Variants in GYS2 observed in about 807,000 individuals in gnomAD.
The protein encoded by GYS2 is glycogen [starch] synthase, liver.
A neutral mutation model predicts 85.6 loss-of-function variants in GYS2; 80 were observed. The observed-to-expected ratio is 0.93, with a 90% confidence interval of 0.78 to 1.13. The LOEUF (loss-of-function observed/expected upper bound fraction) is 1.13, where lower values mean the gene tolerates loss of function less well. GYS2 is among the 50% of genes most tolerant of loss of function. The probability of loss-of-function intolerance (pLI) is 0.00; values close to 1 mark genes in which losing one functional copy is unlikely to be tolerated. For synonymous variants in GYS2, 328 were observed against 300.7 expected (o/e 1.09, Z -0.94); for missense variants, 881 against 854.9 (o/e 1.03, Z -0.38).
intron 1 of GYS2, among the ~76,000 whole-genome samples, chr12:21,584,275 A>G (rs762320736): frequency 1.1e-4 from 17 of 152,232 alleles, no homozygotes; most frequent in Non-Finnish European, 2.5e-4. Context: ...TGGAAAAAGC[A>G]TGACTGGAAA....
intron 4 of GYS2, among the ~76,000 whole-genome samples, chr12:21,571,221 C>T (rs1236149064): frequency 1.3e-5 from 2 of 152,164 alleles, no homozygotes; most frequent in East Asian, 3.9e-4. Context: ...TCCCATGGGG[C>T]ACACTTATCT....
chr12:21,550,465 T>TGGCTCTG lies in GYS2; in HGVS notation c.1423-4002_1423-3996dup, dbSNP rs1272425287. ...CACGGATGCCCTCCTCTCTCCATTC[T>TGGCTCTG]GGCTCTGACACTGCTTTAGGCTGCT... On this transcript the variant is annotated intron_variant, in intron 11 of 15. Transcript: ENST00000261195. Among the ~76,000 whole-genome samples, 4 of 152,270 alleles carry TGGCTCTG rather than the reference T, an allele frequency of 2.6e-5. No individual in the cohort carries two copies. The East Asian group carries it at 7.7e-4, about 29-fold the overall frequency.
intron 12 of GYS2, among the ~76,000 whole-genome samples, chr12:21,544,103 GTGAGT>G (rs1487886807): frequency 4.6e-5 from 7 of 152,184 alleles, no homozygotes; most frequent in Non-Finnish European, 1.0e-4. Flanking sequence ...GCTTTCTAGA[GTGAGT>G]TAAGTCTAGT....
intron 4 of GYS2, 44 bp downstream of exon 4, chr12:21,574,100 C>T: frequency 6.9e-7 from 1 of 1,452,356 alleles, no homozygotes. Context: ...CTTCAGCAAT[C>T]TGAAAGAAGG....
In GYS2 at chr12:21,574,445, G is replaced by A. The variant is rs541875912; in HGVS notation, c.496-119C>T. On this transcript the variant is annotated intron_variant, in intron 3 of 15. Transcript: ENST00000261195. ...AATTATTTTGCAACTTAAAGGAGTC[G>A]AAACATAAAGCATGAATATTTAGCA... 1.3e-4 allele frequency: 94 copies of A among 727,952 alleles called. 1 individual carries two copies. Among genetic ancestry groups the A allele is most frequent in the Middle Eastern group, 4.9e-4 (2 of 4,044 alleles). 45.1% of individuals were successfully genotyped at this position (727,952 alleles called of 1,614,324 possible).
intron 1 of GYS2, among the ~76,000 whole-genome samples, chr12:21,603,905 A>G (rs1944779796): frequency 6.6e-6 from 1 of 152,110 alleles, no homozygotes; most frequent in Non-Finnish European, 1.5e-5. Context: ...TCTTTATTTT[A>G]TAATTCCTAC....
At chr12:21,540,750 A>C (rs1943963245) in intron 13 of GYS2, among the ~76,000 whole-genome samples, 177 bp from the exon 14 acceptor site, 1 of 152,150 alleles carries the variant, frequency 6.6e-6, no homozygotes, top group African/African-American at 2.4e-5. Flanking sequence ...CTAATGGTTT[A>C]CAACCATCAC....
At chr12:21,580,651 C>G (rs1431078106) in intron 1 of GYS2, 128 bp from the exon 2 acceptor site, 3 of 753,078 alleles carry the variant, frequency 4.0e-6, no homozygotes, top group East Asian at 5.1e-5. Flanking sequence ...ATTTATTTAC[C>G]TTTCAAAAAT....
chr12:21,568,877 T>C lies in GYS2; in HGVS notation c.811A>G (p.Lys271Glu), dbSNP rs766627107. The change falls in exon 5 of 16, where the codon AAG becomes GAG. Residue 271 changes from lysine to glutamate, a missense_variant. Lys to Glu is a moderately conservative substitution (Grantham distance 56, BLOSUM62 1). Coordinates refer to ENST00000261195, the MANE Select transcript of GYS2 (RefSeq NM_021957.4). ...ITAIEAEHML[K>E]RKPDVVTPNG... ...GGATAATAATTACCAGGCTTTCTCT[T>C]CAGCATATGTTCAGCTTCTATTGCT... 6.8e-6 allele frequency: 11 copies of C among 1,613,160 alleles called. No homozygotes were observed. Among genetic ancestry groups the C allele is most frequent in the South Asian group, 1.1e-5 (1 of 91,068 alleles).
chr12:21,575,589 A>T (rs1263805411), intron 3 of GYS2, among the ~76,000 whole-genome samples: 1 of 151,960 alleles, frequency 6.6e-6, no homozygotes, highest in Non-Finnish European at 1.5e-5. Context: ...ATATATATTA[A>T]GTATCATCTA....
At chr12:21,586,080 G>T (rs941405973) in intron 1 of GYS2, among the ~76,000 whole-genome samples, 1 of 152,194 alleles carries the variant, frequency 6.6e-6, no homozygotes, top group African/African-American at 2.4e-5. Flanking sequence ...GTGTGTCTGT[G>T]AGGGTATTGC....
chr12:21,601,360 T>C (rs1944754711), intron 1 of GYS2, among the ~76,000 whole-genome samples: 1 of 152,098 alleles, frequency 6.6e-6, no homozygotes, highest in Non-Finnish European at 1.5e-5. Flanking sequence ...TCATTGTTCA[T>C]ACCCTGGAGA....
intron 11 of GYS2, among the ~76,000 whole-genome samples, chr12:21,557,297 G>A (rs529219858): frequency 1.2e-4 from 19 of 152,246 alleles, no homozygotes; most frequent in African/African-American, 4.6e-4. Flanking sequence ...ACCATGCCTG[G>A]AATACAGCAG....
intron 1 of GYS2, among the ~76,000 whole-genome samples, chr12:21,594,291 A>G (rs1484264716): frequency 6.6e-6 from 1 of 152,128 alleles, no homozygotes; most frequent in Non-Finnish European, 1.5e-5. Flanking sequence ...AGGCATGCAA[A>G]TAGGAAAAGA....
chr12:21,552,020 C>G (rs994512147), intron 11 of GYS2, among the ~76,000 whole-genome samples: 5 of 152,174 alleles, frequency 3.3e-5, no homozygotes, highest in South Asian at 2.1e-4. Context: ...AACAGCTGCT[C>G]TGGCTCTAAA....
intron 5 of GYS2, among the ~76,000 whole-genome samples, chr12:21,564,495 T>G (rs1189476215): frequency 6.6e-6 from 1 of 152,084 alleles, no homozygotes; most frequent in Non-Finnish European, 1.5e-5. Flanking sequence ...TTCCACAAAA[T>G]CAATCCAGGC....
chr12:21,560,282 C>A, intron 8 of GYS2, 104 bp downstream of exon 8: 1 of 756,618 alleles, frequency 1.3e-6, no homozygotes. Flanking sequence ...CTGTAATAAT[C>A]TTAAGGAAAA....
chr12:21,552,378 T>G (rs1392127681), intron 11 of GYS2, among the ~76,000 whole-genome samples: 10 of 151,870 alleles, frequency 6.6e-5, no homozygotes, highest in Non-Finnish European at 1.5e-4. Context: ...TCTGCAATGT[T>G]TGCTGAATCA....
At chr12:21,590,021 C>T (rs1379439602) in intron 1 of GYS2, among the ~76,000 whole-genome samples, 1 of 152,106 alleles carries the variant, frequency 6.6e-6, no homozygotes, top group Non-Finnish European at 1.5e-5. Flanking sequence ...AGTGGACTCC[C>T]CCACCCCCAG....
Sources: gnomAD v4.1 joint callset for allele counts (sites outside exome capture counted in the v4.1 genomes callset) on GRCh38, gnomAD v4.1.1 for gene constraint, MANE v1.5 for transcripts, NCBI Gene and HGNC (gene_info 2026-07-23, HGNC 2026-07-21) for gene names.